MGAT4C: variants seen among roughly 807,000 people sequenced by gnomAD.
MGAT4C encodes the protein alpha-1,3-mannosyl-glycoprotein 4-beta-N-acetylglucosaminyltransferase C.
Under a neutral mutation model 40.1 loss-of-function variants are expected in MGAT4C, and 19 were observed. That is an observed-to-expected ratio of 0.47 (90% CI 0.33 to 0.70). The LOEUF (loss-of-function observed/expected upper bound fraction) is 0.70. Ranked by LOEUF, MGAT4C falls within the 30% of genes least tolerant of loss-of-function variation. The pLI is 0.02. For missense variants in MGAT4C, 491 were observed against 563.2 expected (o/e 0.87, Z 1.30); for synonymous variants, 181 against 187.1 (o/e 0.97, Z 0.27).
chr12:86,220,818 A>T (rs2135986024), intron 1 of MGAT4C, among the ~76,000 whole-genome samples: 1 of 152,334 alleles, frequency 6.6e-6, no homozygotes, highest in African/African-American at 2.4e-5. Flanking sequence ...TATAGAATAA[A>T]GAGGAATTTG....
intron 1 of MGAT4C, among the ~76,000 whole-genome samples, chr12:86,090,352 C>A (rs1872675587): frequency 6.6e-6 from 1 of 151,464 alleles, no homozygotes; most frequent in African/African-American, 2.4e-5. Context: ...GTGTATTCTA[C>A]CTTGAGATAT....
chr12:86,810,987 A>G (rs1952460646), intron 1 of MGAT4C, among the ~76,000 whole-genome samples: 1 of 136,448 alleles, frequency 7.3e-6, no homozygotes, highest in Middle Eastern at 3.7e-3. Flanking sequence ...TAGTTTCTTG[A>G]TGTAGAAACT....
intron 1 of MGAT4C, among the ~76,000 whole-genome samples, chr12:86,837,103 TG>T (rs1212620409): frequency 6.6e-6 from 1 of 152,072 alleles, no homozygotes; most frequent in African/African-American, 2.4e-5. Context: ...TGTGAGTTAT[TG>T]GGGGAGAAAC....
intron 1 of MGAT4C, among the ~76,000 whole-genome samples, chr12:86,073,143 A>C (rs1868912644): frequency 6.6e-6 from 1 of 152,262 alleles, no homozygotes; most frequent in South Asian, 2.1e-4. Context: ...GTAGTGAATA[A>C]GTCTCATGAG....
intron 1 of MGAT4C, among the ~76,000 whole-genome samples, chr12:86,835,805 C>T (rs926212686): frequency 1.3e-5 from 2 of 151,702 alleles, no homozygotes; most frequent in Non-Finnish European, 2.9e-5. Flanking sequence ...ATTACTGAAA[C>T]TGCAAAATAG....
chr12:86,113,853 A>G (rs1877880230), intron 1 of MGAT4C, among the ~76,000 whole-genome samples: 1 of 151,972 alleles, frequency 6.6e-6, no homozygotes, highest in Non-Finnish European at 1.5e-5. Context: ...GAAACAAAAC[A>G]GAAACATTTC....
upstream of MGAT4C, among the ~76,000 whole-genome samples, chr12:86,258,760 A>G (rs1456789913): frequency 1.3e-5 from 2 of 152,076 alleles, no homozygotes; most frequent in African/African-American, 2.4e-5. Flanking sequence ...AAGGACATAC[A>G]CTTATTACAT....
intron 4 of MGAT4C, among the ~76,000 whole-genome samples, chr12:86,287,954 A>G (rs1488775870): frequency 6.6e-6 from 1 of 152,174 alleles, no homozygotes; most frequent in Non-Finnish European, 1.5e-5. Flanking sequence ...GAACTAATTT[A>G]CACTCCCACC....
chr12:86,245,755 G>A (rs1951998864), intron 1 of MGAT4C, among the ~76,000 whole-genome samples: 1 of 152,068 alleles, frequency 6.6e-6, no homozygotes, highest in Non-Finnish European at 1.5e-5. Flanking sequence ...TTTGGAAAGA[G>A]GTAGAATATA....
intron 1 of MGAT4C, among the ~76,000 whole-genome samples, chr12:86,098,934 T>C (rs1227754284): frequency 6.6e-6 from 1 of 151,522 alleles, no homozygotes; most frequent in East Asian, 1.9e-4. Flanking sequence ...AATTGTAAAA[T>C]ATTCCATTCA....
At chr12:86,174,284 T>G (rs772140928) in intron 1 of MGAT4C, among the ~76,000 whole-genome samples, 17 of 152,100 alleles carry the variant, frequency 1.1e-4, no homozygotes, top group Non-Finnish European at 2.2e-4. Context: ...CCTATTTTTT[T>G]GCAAGACAAT....
intron 2 of MGAT4C, among the ~76,000 whole-genome samples, chr12:86,459,605 G>T (rs541597423): frequency 1.3e-5 from 2 of 151,744 alleles, no homozygotes; most frequent in Admixed American, 6.6e-5. Context: ...TTTCAGATGA[G>T]AATTATAAAT....
chr12:86,762,901 C>G (rs1008578055), intron 1 of MGAT4C, among the ~76,000 whole-genome samples: 2 of 152,146 alleles, frequency 1.3e-5, no homozygotes, highest in African/African-American at 4.8e-5. Flanking sequence ...ACAAGAAACT[C>G]TAGTCTACAG....
At chr12:86,492,926 C>G (rs1358463556) in intron 2 of MGAT4C, among the ~76,000 whole-genome samples, 1 of 152,054 alleles carries the variant, frequency 6.6e-6, no homozygotes, top group Non-Finnish European at 1.5e-5. Flanking sequence ...CCAGAACCTA[C>G]AATGAACTCA....
At chr12:86,264,995 CG>C (rs1336931441) in intron 4 of MGAT4C, among the ~76,000 whole-genome samples, 1 of 152,198 alleles carries the variant, frequency 6.6e-6, no homozygotes, top group African/African-American at 2.4e-5. Flanking sequence ...ATCTTCTGGG[CG>C]CTACTGCGTT....
In MGAT4C at chr12:85,967,275, C is replaced by G. The variant is rs538439531; in HGVS notation, c.*12014G>C. 6.6e-5 allele frequency: 10 copies of G among 152,022 alleles called. No homozygotes were observed. The East Asian group carries it at 1.7e-3, about 26-fold the overall frequency. 9.4% of individuals were successfully genotyped at this position (152,022 alleles called of 1,614,324 possible). On this transcript the variant is annotated 3_prime_UTR_variant, in exon 5 of 5. Coordinates refer to ENST00000611864, the MANE Select transcript of MGAT4C (RefSeq NM_001351288.2). The stretch of plus-strand genomic sequence containing the variant: ...ATTGCTTTAATTAAGTGATGTTTGC[C>G]TAAGAACAAGTTTCATTTCATCTCA...
chr12:86,388,579 A>T (rs755951449), intron 3 of MGAT4C, among the ~76,000 whole-genome samples: 1 of 152,144 alleles, frequency 6.6e-6, no homozygotes, highest in Non-Finnish European at 1.5e-5. Flanking sequence ...AAAACTAAAT[A>T]AGAACTGCCT....
In MGAT4C at chr12:86,417,013, C is replaced by T. The variant is rs182484678; in HGVS notation, c.-120+18144G>A. The stretch of plus-strand genomic sequence containing the variant: ...TTTTTTTGCCTCCAGAACCATGAGA[C>T]AATACATTTCTATTTTTTTAAGCCA... On this transcript the variant is annotated intron_variant, in intron 3 of 7. Transcript: ENST00000548651. Among the ~76,000 whole-genome samples, 158 of 152,092 alleles carry T rather than the reference C, an allele frequency of 1.0e-3. 1 individual carries two copies. The highest frequency in any genetic ancestry group is 1.9e-3 in the Non-Finnish European group (129 of 67,952).
At chr12:86,407,281 A>G (rs1956493768) in intron 3 of MGAT4C, among the ~76,000 whole-genome samples, 1 of 152,102 alleles carries the variant, frequency 6.6e-6, no homozygotes, top group Non-Finnish European at 1.5e-5. Context: ...ATCCTTATCA[A>G]CACTGTTTTC....
Sources: gnomAD v4.1 joint callset for allele counts (sites outside exome capture counted in the v4.1 genomes callset) on GRCh38, gnomAD v4.1.1 for gene constraint, MANE v1.5 for transcripts, NCBI Gene and HGNC (gene_info 2026-07-23, HGNC 2026-07-21) for gene names.